The following FN3K variants were observed in gnomAD, a reference collection of about 807,000 sequenced individuals.
The protein encoded by FN3K is fructosamine-3-kinase.
FN3K carries 24 observed loss-of-function variants against 24.8 expected under a neutral mutation model. The ratio of observed to expected loss-of-function variants is 0.97; its 90% CI spans 0.70 to 1.36. The LOEUF is 1.36. FN3K is among the 40% of genes most tolerant of loss of function. FN3K has a pLI of 0.00. For missense variants in FN3K, 449 were observed against 416.7 expected (o/e 1.08, Z -0.67); for synonymous variants, 192 against 175.2 (o/e 1.10, Z -0.76).
chr17:82,735,807 G>A, intron 1 of FN3K, 30 bp downstream of exon 1: 1 of 1,545,566 alleles, frequency 6.5e-7, no homozygotes, highest in East Asian at 2.4e-5. Context: ...CGGGGGCTCT[G>A]CGGGTCTCTG....
At position 82,737,516 on chromosome 17, in the gene FN3K, G is replaced by A. The variant is rs540417929; in HGVS notation, c.142-973G>A. On this transcript the variant is annotated intron_variant, in intron 1 of 5. Coordinates refer to ENST00000300784, the MANE Select transcript of FN3K (RefSeq NM_022158.4). Reference sequence around the variant, plus strand: ...TTTTTGTATTTTTAGTAGAGACGAGGTTTCACCGTGTTAGCCAGGATGGTC... The same window carrying A: ...TTTTTGTATTTTTAGTAGAGACGAGATTTCACCGTGTTAGCCAGGATGGTC... 3.3e-4 allele frequency among the ~76,000 whole-genome samples: 50 copies of A among 152,260 alleles called. No individual in the cohort carries two copies. In the South Asian group the frequency reaches 4.8e-3, roughly 15 times the overall value.
At chr17:82,741,426 C>T in intron 4 of FN3K, 33 bp downstream of exon 4, 2 of 1,578,648 alleles carry the variant, frequency 1.3e-6, no homozygotes. Flanking sequence ...TCCCTGATGC[C>T]CTAATGCTGG....
In FN3K at chr17:82,748,927, G is replaced by C; in HGVS notation, c.541G>C (p.Glu181Gln). The C allele has an allele frequency of 6.2e-7, 1 of 1,614,172 alleles. No individual in the cohort carries two copies. The highest frequency in any genetic ancestry group is 8.5e-7 in the Non-Finnish European group (1 of 1,180,042). Residue 181 changes from glutamate to glutamine, a missense_variant, in exon 5 of 6, where the codon GAG (glutamate) becomes CAG (glutamine). By Grantham distance (29) the Glu-to-Gln change is conservative. Coordinates refer to ENST00000300784, the MANE Select transcript of FN3K (RefSeq NM_022158.4). Reference sequence around the variant, plus strand: ...GCTCCAGGCGCAGCTGGACCTCATTGAGAAGGACTATGCTGACCGAGAGGC... The same window carrying C: ...GCTCCAGGCGCAGCTGGACCTCATTCAGAAGGACTATGCTGACCGAGAGGC... The part of the protein sequence containing the change: ...HRLQAQLDLI[E>Q]KDYADREARE...
chr17:82,748,945 C>T lies in FN3K; in HGVS notation c.559C>T (p.Arg187Ter), dbSNP rs772839976. Reference sequence around the variant, plus strand: ...CCTCATTGAGAAGGACTATGCTGACCGAGAGGCACGAGAACTCTGGTCCCG... The same window carrying T: ...CCTCATTGAGAAGGACTATGCTGACTGAGAGGCACGAGAACTCTGGTCCCG... ...LDLIEKDYADREARELWSRLQ... is the reference protein window; with the variant it reads ...LDLIEKDYAD Residue 187 changes from arginine to a stop codon, truncating the protein, a stop_gained, in exon 5 of 6, where the codon CGA (arginine) becomes TGA (stop). Transcript: ENST00000300784. LOFTEE classifies it low-confidence loss of function (END_TRUNC). 1.8e-5 allele frequency: 29 copies of T among 1,614,036 alleles called. No individual in the cohort carries two copies. Among genetic ancestry groups the T allele is most frequent in the Middle Eastern group, 1.6e-4 (1 of 6,080 alleles).
chr17:82,736,345 G>GCCAA (rs3078825), intron 1 of FN3K: 64,516 of 151,924 alleles, frequency 0.42, 13,912 homozygotes, highest in South Asian at 0.61. Context: ...GACCATCCTG[G>GCCAA]CCAACATGGT....
Position 82,735,786 on chromosome 17 carries a change from C to T in FN3K, c.141+9C>T. On this transcript the variant is annotated intron_variant, in intron 1 of 5. Transcript: ENST00000300784. ...TCAACCGCAGGACGCAGGTGCTGGCCCGTGCGCAGGCGGGGGCTCTGCGGG... is the reference window on the plus strand; with the variant it reads ...TCAACCGCAGGACGCAGGTGCTGGCTCGTGCGCAGGCGGGGGCTCTGCGGG... 1.3e-6 allele frequency: 2 copies of T among 1,557,408 alleles called. No individual in the cohort carries two copies. The highest frequency in any genetic ancestry group is 1.2e-5 in the South Asian group (1 of 84,652).
At position 82,750,417 on chromosome 17, in the gene FN3K, G is replaced by C; in HGVS notation, c.592G>C (p.Val198Leu). The C allele has an allele frequency of 6.2e-7, 1 of 1,614,034 alleles. No individual in the cohort carries two copies. The highest frequency in any genetic ancestry group is 8.5e-7 in the Non-Finnish European group (1 of 1,179,896). Residue 198 changes from valine (V) to leucine (L), a missense_variant and splice_region_variant, in exon 6 of 6, where the codon GTG (valine) becomes CTG (leucine). By Grantham distance (32) the Val-to-Leu change is conservative (BLOSUM62 1). Coordinates refer to ENST00000300784, the MANE Select transcript of FN3K (RefSeq NM_022158.4). ...ATAACTGCAGCCGTTGCTCTCGTAG[G>C]TGAAGATCCCGGATCTGTTTTGTGG... ...EARELWSRLQVKIPDLFCGLE... is the reference protein window; with the variant it reads ...EARELWSRLQLKIPDLFCGLE...
intron 1 of FN3K, 41 bp downstream of exon 1, chr17:82,735,818 C>T: frequency 1.4e-6 from 2 of 1,473,446 alleles, no homozygotes; most frequent in Non-Finnish European, 9.1e-7. Flanking sequence ...CGGGTCTCTG[C>T]GGGGCCTGGG....
intron 2 of FN3K, among the ~76,000 whole-genome samples, chr17:82,738,925 C>CATATAT (rs201805110): frequency 9.6e-6 from 1 of 104,118 alleles, no homozygotes; most frequent in Non-Finnish European, 1.9e-5. Flanking sequence ...TATATATACA[C>CATATAT]ATATATATAT....
In FN3K at chr17:82,750,808, C is replaced by T. The variant is rs539193368; in HGVS notation, c.*53C>T. The T allele has an allele frequency of 2.0e-6, 3 of 1,472,292 alleles. No individual in the cohort carries two copies. The highest frequency in any genetic ancestry group is 2.8e-6 in the Non-Finnish European group (3 of 1,084,508). 91.2% of individuals were successfully genotyped at this position (1,472,292 alleles called of 1,614,324 possible). A position where few individuals can be genotyped will look rare whatever the true frequency, so the allele number is the denominator to read the frequency against. On this transcript the variant is annotated 3_prime_UTR_variant, in exon 6 of 6. Transcript: ENST00000300784. ...CCGTCCCCGTCTCCGTCTCCCCGTC[C>T]CTGTCCCCCCGTCCCCCGTCCCTGT...
chr17:82,741,564 G>A, intron 4 of FN3K, 171 bp downstream of exon 4: 2 of 635,948 alleles, frequency 3.1e-6, no homozygotes, highest in East Asian at 3.0e-5. Flanking sequence ...GAGGGTCACT[G>A]AGCTGAGCTG....
At position 82,751,159 on chromosome 17, in the gene FN3K, C is replaced by T; in HGVS notation, c.*404C>T. 9.2e-6 allele frequency: 1 copy of T among 108,334 alleles called. No individual in the cohort carries two copies. The highest frequency in any genetic ancestry group is 1.8e-5 in the Non-Finnish European group (1 of 57,062). The allele number at this position is 108,334 out of a possible 1,614,324, so 6.7% of individuals were successfully genotyped here. ...CCCTTCCCCCGACCCCTCCCAGATC[C>T]TGGGGACCAATAAAGCCCGCAGCGG... is the stretch of plus-strand genomic sequence containing the variant. On this transcript the variant is annotated 3_prime_UTR_variant, in exon 6 of 6. Transcript: ENST00000300784.
At chr17:82,745,304 G>A (rs575901536) in intron 4 of FN3K, 18 of 190,182 alleles carry the variant, frequency 9.5e-5, no homozygotes, top group Admixed American at 3.1e-4. Context: ...ATCTTGCACC[G>A]CCCTTAATCC....
Position 82,741,100 on chromosome 17 carries a change from C to A in FN3K, c.386-211C>A, listed in dbSNP as rs1598341414. 1.8e-5 allele frequency: 12 copies of A among 666,784 alleles called. No homozygotes were observed. In the East Asian group the frequency reaches 3.3e-4, roughly 18 times the overall value. The allele number at this position is 666,784 out of a possible 1,614,324, so 41.3% of individuals were successfully genotyped here. A position where few individuals can be genotyped will look rare whatever the true frequency, so the allele number is the denominator to read the frequency against. ...CTGGTGTGCTTGAGGTAATAATAACCCCTTTTATACCCAGCCCTGCTGTCT... is the reference window on the plus strand; with the variant it reads ...CTGGTGTGCTTGAGGTAATAATAACACCTTTTATACCCAGCCCTGCTGTCT... On this transcript the variant is annotated intron_variant, in intron 3 of 5. Transcript: ENST00000300784.
intron 2 of FN3K, among the ~76,000 whole-genome samples, chr17:82,738,925 C>CGTATATATATACGT (rs1261335715): frequency 9.6e-6 from 1 of 104,118 alleles, no homozygotes; most frequent in Non-Finnish European, 1.9e-5. Context: ...TATATATACA[C>CGTATATATATACGT]ATATATATAT....
intron 4 of FN3K, among the ~76,000 whole-genome samples, chr17:82,746,425 G>C (rs138639125): frequency 6.6e-6 from 1 of 152,028 alleles, no homozygotes; most frequent in East Asian, 1.9e-4. Flanking sequence ...ATTTCTTTGC[G>C]TATTTAGGAT....
chr17:82,740,615 A>T, intron 2 of FN3K, 148 bp from the exon 3 acceptor site: 1 of 618,294 alleles, frequency 1.6e-6, no homozygotes, highest in Non-Finnish European at 3.0e-6. Context: ...AAAGCAAAAG[A>T]AAGAGTCATT....
intron 4 of FN3K, 102 bp downstream of exon 4, chr17:82,741,495 A>G: frequency 1.8e-6 from 2 of 1,098,532 alleles, no homozygotes; most frequent in Non-Finnish European, 2.7e-6. Flanking sequence ...AAGATTGACT[A>G]CTTGATTTCT....
intron 1 of FN3K, chr17:82,736,164 G>GC (rs2046899466): frequency 4.4e-6 from 1 of 229,780 alleles, no homozygotes; most frequent in Non-Finnish European, 8.7e-6. Flanking sequence ...CACGGGCCAG[G>GC]CCAGCGTTCT....
Sources: gnomAD v4.1 joint callset for allele counts (sites outside exome capture counted in the v4.1 genomes callset) on GRCh38, gnomAD v4.1.1 for gene constraint, MANE v1.5 for transcripts, NCBI Gene and HGNC (gene_info 2026-07-23, HGNC 2026-07-21) for gene names.